MMP26: variants seen among roughly 807,000 people sequenced by gnomAD.
MMP26 encodes the protein matrix metallopeptidase 26, also known as matrix metalloproteinase-26.
In MMP26, 33 loss-of-function variants were observed where a neutral mutation model predicts 31.0. The observed-to-expected ratio is 1.06, with a 90% CI of 0.81 to 1.42. The LOEUF (loss-of-function observed/expected upper bound fraction) is 1.42. MMP26 is among the 40% of genes most tolerant of loss of function. The probability of loss-of-function intolerance (pLI) is 0.00; values close to 1 mark genes in which losing one functional copy is unlikely to be tolerated. For missense variants in MMP26, 347 were observed against 316.1 expected (o/e 1.10, Z -0.74); for synonymous variants, 122 against 114.9 (o/e 1.06, Z -0.40).
At chr11:4,799,044 A>C (rs2133449901) in intron 2 of MMP26, among the ~76,000 whole-genome samples, 2 of 152,206 alleles carry the variant, frequency 1.3e-5, no homozygotes, top group East Asian at 1.9e-4. Flanking sequence ...TGTTTATTTG[A>C]GGGAAGAAAG....
chr11:4,880,694 T>G (rs1020449515), intron 2 of MMP26, among the ~76,000 whole-genome samples: 2 of 152,134 alleles, frequency 1.3e-5, no homozygotes, highest in Non-Finnish European at 2.9e-5. Flanking sequence ...CTTGGATATA[T>G]AAATTACCAA....
intron 2 of MMP26, among the ~76,000 whole-genome samples, chr11:4,891,279 G>A (rs1850617774): frequency 6.6e-6 from 1 of 152,082 alleles, no homozygotes; most frequent in Non-Finnish European, 1.5e-5. Context: ...GGAGGCCTCA[G>A]GGAGCTTTTA....
intron 1 of MMP26, chr11:4,710,356 T>C (rs552208218): frequency 2.2e-6 from 1 of 456,904 alleles, no homozygotes; most frequent in Admixed American, 2.3e-5. Flanking sequence ...TTGTCACCAG[T>C]GCACAGATTT....
At chr11:4,967,982 CA>C (rs1846618584) in intron 2 of MMP26, among the ~76,000 whole-genome samples, 1 of 151,994 alleles carries the variant, frequency 6.6e-6, no homozygotes, top group Non-Finnish European at 1.5e-5. Context: ...TGTTTCAAAA[CA>C]AAACCCCTAA....
intron 2 of MMP26, among the ~76,000 whole-genome samples, chr11:4,786,277 C>T (rs531107630): frequency 3.9e-4 from 59 of 152,104 alleles, no homozygotes; most frequent in Non-Finnish European, 7.5e-4. Flanking sequence ...GGACAGTTAT[C>T]TGCATGAAGA....
intron 1 of MMP26, among the ~76,000 whole-genome samples, chr11:4,725,262 C>T (rs970266370): frequency 1.3e-5 from 2 of 152,116 alleles, no homozygotes; most frequent in Admixed American, 1.3e-4. Context: ...AGTGTGAGAA[C>T]TGACTAATAC....
rs1298982785 is a variant in MMP26 at position 4,952,088 on chromosome 11, T to A, written c.-144-35980T>A. ...TTCTTTAAGATAATATTGGGTTTGC[T>A]GTTGTTTGCCATGTTCTTCATTTCA... On this transcript the variant is annotated intron_variant, in intron 2 of 7. Transcript: ENST00000380390. Among the ~76,000 whole-genome samples the A allele has an allele frequency of 3.2e-5, 4 of 125,064 alleles. 1 individual carries two copies. Among genetic ancestry groups the A allele is most frequent in the South Asian group, 2.4e-4 (1 of 4,162 alleles). The allele number at this position is 125,064 out of a possible 152,430, so 82.0% of individuals were successfully genotyped here. A position where few individuals can be genotyped will look rare whatever the true frequency, so the allele number is the denominator to read the frequency against.
intron 2 of MMP26, among the ~76,000 whole-genome samples, chr11:4,790,624 A>G (rs1378420885): frequency 2.0e-5 from 3 of 152,178 alleles, no homozygotes; most frequent in African/African-American, 7.2e-5. Context: ...AGGGTGGTGT[A>G]TGAGCAAAAA....
At chr11:4,722,774 C>T (rs1848032614) in intron 1 of MMP26, 2 of 1,003,654 alleles carry the variant, frequency 2.0e-6, no homozygotes, top group Middle Eastern at 2.7e-4. Context: ...ACACCAGCTT[C>T]CCTTCGTGGG....
At position 4,868,603 on chromosome 11, in the gene MMP26, T is replaced by G. The variant is rs11826711; in HGVS notation, c.-145+101262T>G. 7.9e-3 allele frequency among the ~76,000 whole-genome samples: 1,200 copies of G among 152,194 alleles called. 11 individuals are homozygous for G. Among genetic ancestry groups the G allele is most frequent in the African/African-American group, 0.027 (1,136 of 41,532 alleles). ...AAATGGAAGAACATTCCATGCTCTT[T>G]GATAGGAAGAATCGATATCACGAAA... On this transcript the variant is annotated intron_variant, in intron 2 of 7. Transcript: ENST00000380390.
intron 2 of MMP26, among the ~76,000 whole-genome samples, chr11:4,841,184 A>G (rs192880446): frequency 1.3e-5 from 2 of 152,332 alleles, no homozygotes; most frequent in Admixed American, 1.3e-4. Context: ...AATAGCCTCA[A>G]AGGGCAATTC....
chr11:4,991,256 C>T, intron 5 of MMP26, 115 bp from the exon 6 acceptor site: 2 of 1,281,606 alleles, frequency 1.6e-6, no homozygotes, highest in African/African-American at 1.5e-5. Context: ...TCTCTCACAT[C>T]CCCCAGTGGT....
intron 2 of MMP26, among the ~76,000 whole-genome samples, chr11:4,843,591 G>T (rs1171939895): frequency 6.6e-6 from 1 of 152,200 alleles, no homozygotes; most frequent in African/African-American, 2.4e-5. Flanking sequence ...TGGGGCCCTG[G>T]GCCTGGCTCA....
chr11:4,722,705 G>A, intron 1 of MMP26: 1 of 760,834 alleles, frequency 1.3e-6, no homozygotes, highest in Non-Finnish European at 2.3e-6. Context: ...GCCGCAGGAG[G>A]GGCAGGCTGG....
chr11:4,805,832 T>C (rs763674185), intron 2 of MMP26, among the ~76,000 whole-genome samples: 2 of 152,150 alleles, frequency 1.3e-5, no homozygotes, highest in Non-Finnish European at 2.9e-5. Context: ...ATTCCACTCT[T>C]TGAGTTTTTT....
At chr11:4,757,032 A>G (rs1344636880) in intron 1 of MMP26, among the ~76,000 whole-genome samples, 1 of 152,154 alleles carries the variant, frequency 6.6e-6, no homozygotes, top group Non-Finnish European at 1.5e-5. Flanking sequence ...TTTATACGGA[A>G]ATGCAAAAGA....
intron 1 of MMP26, among the ~76,000 whole-genome samples, chr11:4,729,755 C>T (rs1459543206): frequency 6.6e-6 from 1 of 151,772 alleles, no homozygotes; most frequent in Non-Finnish European, 1.5e-5. Flanking sequence ...CATAACTTTC[C>T]TTTTCTCTGT....
intron 2 of MMP26, among the ~76,000 whole-genome samples, chr11:4,939,156 C>A (rs1846172579): frequency 6.6e-6 from 1 of 152,090 alleles, no homozygotes. Context: ...TCTATCTTCT[C>A]CCTTAACTAT....
chr11:4,890,213 A>C (rs556336688), intron 2 of MMP26: 2 of 153,062 alleles, frequency 1.3e-5, no homozygotes, highest in South Asian at 4.1e-4. Context: ...AGAGGGTGGC[A>C]TATGGCCAAA....
Sources: gnomAD v4.1 joint callset for allele counts (sites outside exome capture counted in the v4.1 genomes callset) on GRCh38, gnomAD v4.1.1 for gene constraint, MANE v1.5 for transcripts, NCBI Gene and HGNC (gene_info 2026-07-23, HGNC 2026-07-21) for gene names.